The following SNX24 variants were observed in gnomAD, a reference collection of about 807,000 sequenced individuals.
SNX24 encodes sorting nexin 24.
Under a neutral mutation model 28.7 loss-of-function variants are expected in SNX24, and 22 were observed. That is an observed-to-expected ratio of 0.77 (90% confidence interval 0.55 to 1.10). The LOEUF is 1.10. SNX24 is among the 50% of genes least tolerant of loss of function. The pLI is 0.00. For synonymous variants in SNX24, 69 were observed against 71.5 expected, an observed-to-expected ratio of 0.96 and a Z score of 0.18; for missense variants, 221 against 201.1, an observed-to-expected ratio of 1.10 and a Z score of -0.60.
At chr5:122,958,296 C>G (rs1760304901) in intron 3 of SNX24, among the ~76,000 whole-genome samples, 1 of 151,788 alleles carries the variant, frequency 6.6e-6, no homozygotes, top group Non-Finnish European at 1.5e-5. Context: ...TCTTGTTGCC[C>G]AGGCTGGAAT....
chr5:122,961,100 C>A (rs1180976576), intron 3 of SNX24, among the ~76,000 whole-genome samples: 1 of 152,122 alleles, frequency 6.6e-6, no homozygotes, highest in East Asian at 1.9e-4. Context: ...TCTAGCCATC[C>A]AACTCTGGCT....
At chr5:122,893,536 ATAGT>A (rs745599984) in intron 1 of SNX24, among the ~76,000 whole-genome samples, 1 of 152,152 alleles carries the variant, frequency 6.6e-6, no homozygotes, top group South Asian at 2.1e-4. Context: ...ATATATACAC[ATAGT>A]TATATATGTA....
chr5:123,025,828 A>T (rs1372318150), intron 5 of SNX24: 2 of 1,614,064 alleles, frequency 1.2e-6, no homozygotes, highest in African/African-American at 2.7e-5. Context: ...TTGCCGTCCA[A>T]CCAGGTGGGC....
intron 2 of SNX24, among the ~76,000 whole-genome samples, chr5:122,941,843 T>TA (rs1218999173): frequency 6.6e-6 from 1 of 152,208 alleles, no homozygotes; most frequent in African/African-American, 2.4e-5. Flanking sequence ...CTTGCCCTGA[T>TA]ACCTTTGTAG....
At chr5:123,006,385 A>G (rs1762421976) in intron 6 of SNX24, among the ~76,000 whole-genome samples, 1 of 152,036 alleles carries the variant, frequency 6.6e-6, no homozygotes, top group African/African-American at 2.4e-5. Context: ...CCCGTCCTTC[A>G]TTTCTCTAGA....
At chr5:122,859,232 A>G (rs1755342444) in intron 1 of SNX24, among the ~76,000 whole-genome samples, 1 of 152,158 alleles carries the variant, frequency 6.6e-6, no homozygotes, top group Admixed American at 6.5e-5. Flanking sequence ...AGTCTCGGGT[A>G]CTCAGGAGGC....
chr5:122,887,763 C>T (rs1478687729), intron 1 of SNX24, among the ~76,000 whole-genome samples: 3 of 152,162 alleles, frequency 2.0e-5, no homozygotes, highest in African/African-American at 4.8e-5. Context: ...AGTGCAATGG[C>T]GTGATCTTGG....
At chr5:122,930,849 A>G (rs567261914) in intron 1 of SNX24, among the ~76,000 whole-genome samples, 1 of 152,332 alleles carries the variant, frequency 6.6e-6, no homozygotes, top group South Asian at 2.1e-4. Context: ...TTGTTGTGGC[A>G]ATTATGGTAA....
chr5:123,001,550 G>C, intron 5 of SNX24, 113 bp downstream of exon 5: 2 of 804,134 alleles, frequency 2.5e-6, no homozygotes, highest in Non-Finnish European at 4.1e-6. Flanking sequence ...TTGGAAATTG[G>C]TTTTAAGATT....
chr5:122,890,471 A>T (rs1490134871), intron 1 of SNX24, among the ~76,000 whole-genome samples: 13 of 138,910 alleles, frequency 9.4e-5, no homozygotes, highest in South Asian at 4.5e-4. Flanking sequence ...TTTAGAGGGG[A>T]TTTTTTTTTT....
At chr5:122,953,768 A>C (rs998152799) in intron 3 of SNX24, among the ~76,000 whole-genome samples, 1 of 152,194 alleles carries the variant, frequency 6.6e-6, no homozygotes, top group Non-Finnish European at 1.5e-5. Context: ...TGAGAATAAT[A>C]GTTCTTGTTT....
chr5:122,947,694 CT>C (rs753249044), intron 3 of SNX24, among the ~76,000 whole-genome samples: 34 of 151,994 alleles, frequency 2.2e-4, no homozygotes, highest in Non-Finnish European at 1.2e-4. Context: ...AAACAAACCC[CT>C]CCAAAAAATT....
At chr5:122,993,385 G>C (rs1581844087) in intron 3 of SNX24, among the ~76,000 whole-genome samples, 1 of 146,898 alleles carries the variant, frequency 6.8e-6, no homozygotes, top group African/African-American at 2.5e-5. Context: ...TGCAAGCTCT[G>C]CCTCCCGGGT....
chr5:122,970,759 C>T (rs57663052), intron 3 of SNX24, among the ~76,000 whole-genome samples: 20,332 of 152,174 alleles, frequency 0.13, 1,644 homozygotes, highest in East Asian at 0.35. Flanking sequence ...TGAGCCACTG[C>T]GCCTGGCCAT....
chr5:122,909,978 G>C (rs1174850543), intron 1 of SNX24, among the ~76,000 whole-genome samples: 3 of 152,178 alleles, frequency 2.0e-5, no homozygotes, highest in Non-Finnish European at 4.4e-5. Context: ...ATGCAACTTT[G>C]AAGCCAGAGT....
intron 3 of SNX24, among the ~76,000 whole-genome samples, chr5:122,981,771 G>A (rs1761404704): frequency 6.6e-6 from 1 of 152,118 alleles, no homozygotes; most frequent in Admixed American, 6.6e-5. Flanking sequence ...TCTGCCTCCC[G>A]GGCTCAAGTG....
At chr5:123,026,691 C>G (rs896078245) in intron 5 of SNX24, among the ~76,000 whole-genome samples, 3 of 152,154 alleles carry the variant, frequency 2.0e-5, no homozygotes, top group African/African-American at 7.2e-5. Flanking sequence ...TGGGAGCACC[C>G]AGTGGTCAAC....
intron 1 of SNX24, among the ~76,000 whole-genome samples, chr5:122,865,888 A>C (rs943714994): frequency 6.6e-6 from 1 of 152,214 alleles, no homozygotes; most frequent in Non-Finnish European, 1.5e-5. Context: ...CCTAGAAGAG[A>C]AGGTAGAATC....
chr5:122,934,313 A>C (rs1759091033), intron 1 of SNX24, among the ~76,000 whole-genome samples: 1 of 152,132 alleles, frequency 6.6e-6, no homozygotes, highest in South Asian at 2.1e-4. Flanking sequence ...AATTGGAAAG[A>C]CTTTACAAAA....
Sources: allele counts gnomAD v4.1 joint callset (sites outside exome capture counted in the v4.1 genomes callset), GRCh38; gene constraint gnomAD v4.1.1; transcripts MANE v1.5; gene names NCBI Gene and HGNC (gene_info 2026-07-23, HGNC 2026-07-21).